ADAMTSL1: variants seen among roughly 807,000 people sequenced by gnomAD.
ADAMTSL1 encodes the protein ADAMTS like 1.
ADAMTSL1 carries 126 observed loss-of-function variants against 201.8 expected under a neutral mutation model. The ratio of observed to expected loss-of-function variants is 0.62; its 90% CI spans 0.54 to 0.72. The LOEUF (loss-of-function observed/expected upper bound fraction) is 0.72. Ranked by LOEUF, ADAMTSL1 falls within the 30% of genes least tolerant of loss-of-function variation. The probability of loss-of-function intolerance (pLI) is 0.00; values close to 1 mark genes in which losing one functional copy is unlikely to be tolerated. For synonymous variants in ADAMTSL1, 1,121 were observed against 903.4 expected (o/e 1.24, Z -4.32); for missense variants, 2,679 against 2,277.8 (o/e 1.18, Z -3.59).
At chr9:17,934,186 T>G (rs181930890) in intron 1 of ADAMTSL1, among the ~76,000 whole-genome samples, 66 of 152,246 alleles carry the variant, frequency 4.3e-4, no homozygotes, top group Non-Finnish European at 8.8e-5. Context: ...TTATTGTGCA[T>G]ACATAGGTAA....
At chr9:18,794,272 G>A (rs1033651268) in intron 19 of ADAMTSL1, among the ~76,000 whole-genome samples, 1 of 152,038 alleles carries the variant, frequency 6.6e-6, no homozygotes, top group East Asian at 1.9e-4. Context: ...AGCTGGGAAT[G>A]GTAGTGCACC....
In ADAMTSL1 at chr9:18,474,254, A is replaced by T; in HGVS notation, c.22A>T (p.Thr8Ser). The stretch of plus-strand genomic sequence containing the variant: ...AAGCATGGAATGCTGCCGTCGGGCA[A>T]CTCCTGGCACACTGCTCCTCTTTCT... The part of the protein sequence containing the change: MECCRRA[T>S]PGTLLLFLAF... Residue 8 changes from threonine to serine, a missense_variant, in exon 1 of 29, where the codon ACT (threonine) becomes TCT (serine). By Grantham distance (58) the Thr-to-Ser change is moderately conservative. Coordinates refer to ENST00000380548, the MANE Select transcript of ADAMTSL1 (RefSeq NM_001040272.6). 1 of 1,613,332 alleles carries T rather than the reference A, an allele frequency of 6.2e-7. No individual in the cohort carries two copies. The highest frequency in any genetic ancestry group is 8.5e-7 in the Non-Finnish European group (1 of 1,179,798).
chr9:18,569,392 C>G (rs1410212568), intron 3 of ADAMTSL1, among the ~76,000 whole-genome samples: 2 of 152,102 alleles, frequency 1.3e-5, no homozygotes, highest in African/African-American at 2.4e-5. Context: ...TGGCTAAATA[C>G]AGTAATTCGT....
chr9:18,583,502 G>A (rs1823252747), intron 4 of ADAMTSL1, among the ~76,000 whole-genome samples: 1 of 152,236 alleles, frequency 6.6e-6, no homozygotes, highest in African/African-American at 2.4e-5. Context: ...GGGCAGTGCA[G>A]AAGGGAAATG....
intron 2 of ADAMTSL1, among the ~76,000 whole-genome samples, chr9:18,175,958 T>A (rs921939905): frequency 4.3e-5 from 6 of 140,062 alleles, no homozygotes; most frequent in African/African-American, 1.4e-4. Context: ...GAAGGTATAT[T>A]GAGATTTCAG....
intron 2 of ADAMTSL1, among the ~76,000 whole-genome samples, chr9:18,366,561 T>G (rs758540352): frequency 6.6e-6 from 1 of 151,990 alleles, no homozygotes; most frequent in Non-Finnish European, 1.5e-5. Context: ...TTGTGGTATG[T>G]TAATATTATT....
rs570036780 is a variant in ADAMTSL1 at position 17,951,613 on chromosome 9, TC to T, written c.87+44692del. Among the ~76,000 whole-genome samples, 280 of 151,276 alleles carry T rather than the reference TC, an allele frequency of 1.9e-3. 3 individuals carry two copies. Among genetic ancestry groups the T allele is most frequent in the South Asian group, 1.5e-3 (7 of 4,710 alleles). ...TTTTCTTTTTCTTGTGTTTTACTATTCATAACCATTACTCTTTTTTTTTTTT... is the reference window on the plus strand; with the variant it reads ...TTTTCTTTTTCTTGTGTTTTACTATTATAACCATTACTCTTTTTTTTTTTT... On this transcript the variant is annotated intron_variant, in intron 1 of 29. Coordinates refer to the ADAMTSL1 transcript ENST00000680146.
chr9:18,271,633 C>A (rs1832372961), intron 2 of ADAMTSL1, among the ~76,000 whole-genome samples: 1 of 152,168 alleles, frequency 6.6e-6, no homozygotes, highest in African/African-American at 2.4e-5. Flanking sequence ...CCGCAATAAA[C>A]ATACATGTGC....
At chr9:18,283,913 GTC>G (rs1832889338) in intron 2 of ADAMTSL1, among the ~76,000 whole-genome samples, 1 of 11,188 alleles carries the variant, frequency 8.9e-5, no homozygotes, top group Admixed American at 1.4e-3. Flanking sequence ...GCAAGACTCC[GTC>G]TAAAAAAAAA....
chr9:18,829,598 G>C (rs1433319634), intron 22 of ADAMTSL1, among the ~76,000 whole-genome samples: 2 of 152,012 alleles, frequency 1.3e-5, no homozygotes, highest in South Asian at 4.2e-4. Flanking sequence ...CCCTGAACTT[G>C]GTATGCCTGC....
chr9:17,953,249 T>G (rs1005628902), intron 1 of ADAMTSL1, among the ~76,000 whole-genome samples: 2 of 152,206 alleles, frequency 1.3e-5, no homozygotes, highest in Non-Finnish European at 1.5e-5. Context: ...AACAAAAGCA[T>G]GCTTTATGCC....
intron 2 of ADAMTSL1, among the ~76,000 whole-genome samples, chr9:18,242,043 A>T (rs1001001716): frequency 6.6e-6 from 1 of 152,132 alleles, no homozygotes; most frequent in Admixed American, 6.5e-5. Context: ...CCTAAGCCAG[A>T]CAAAGACATC....
At chr9:18,717,288 A>G (rs1833010703) in intron 14 of ADAMTSL1, among the ~76,000 whole-genome samples, 1 of 150,468 alleles carries the variant, frequency 6.6e-6, no homozygotes, top group Non-Finnish European at 1.5e-5. Flanking sequence ...TTTTAAAAAA[A>G]TAAAAAATAA....
chr9:18,659,501 A>T (rs1423190460), intron 8 of ADAMTSL1, among the ~76,000 whole-genome samples: 1 of 152,220 alleles, frequency 6.6e-6, no homozygotes, highest in Non-Finnish European at 1.5e-5. Flanking sequence ...GCAGTGGCTC[A>T]CGCCTGTAAT....
intron 23 of ADAMTSL1, among the ~76,000 whole-genome samples, chr9:18,843,626 G>C (rs921471992): frequency 6.6e-6 from 1 of 150,746 alleles, no homozygotes; most frequent in East Asian, 1.9e-4. Context: ...ATCCTGCAGA[G>C]TGTTTTCCAA....
intron 2 of ADAMTSL1, among the ~76,000 whole-genome samples, chr9:18,195,157 G>A (rs1242317922): frequency 6.6e-6 from 1 of 152,034 alleles, no homozygotes; most frequent in African/African-American, 2.4e-5. Flanking sequence ...AGGAATGAGG[G>A]GTCACAGCCA....
chr9:18,242,965 T>C (rs1051592969), intron 2 of ADAMTSL1, among the ~76,000 whole-genome samples: 1 of 152,118 alleles, frequency 6.6e-6, no homozygotes, highest in African/African-American at 2.4e-5. Flanking sequence ...AAAATCCTAA[T>C]GGCATTTTTA....
intron 3 of ADAMTSL1, among the ~76,000 whole-genome samples, chr9:18,537,963 A>G (rs1247578654): frequency 7.2e-6 from 1 of 138,732 alleles, no homozygotes; most frequent in Non-Finnish European, 1.6e-5. Context: ...AAGGAAGAAG[A>G]GAAGAAAGAA....
chr9:18,402,793 G>A (rs1168697156), intron 2 of ADAMTSL1, among the ~76,000 whole-genome samples: 2 of 152,156 alleles, frequency 1.3e-5, no homozygotes, highest in African/African-American at 4.8e-5. Flanking sequence ...CCAGGGCCTG[G>A]AATTAGGGAC....
Sources: gnomAD v4.1 joint callset for allele counts (sites outside exome capture counted in the v4.1 genomes callset) on GRCh38, gnomAD v4.1.1 for gene constraint, MANE v1.5 for transcripts, NCBI Gene and HGNC (gene_info 2026-07-23, HGNC 2026-07-21) for gene names.